Variants in IL27RA observed in about 807,000 individuals in gnomAD.
IL27RA encodes the protein interleukin 27 receptor subunit alpha.
In IL27RA, 61 loss-of-function variants were observed where a neutral mutation model predicts 80.8. The ratio of observed to expected loss-of-function variants is 0.76; its 90% CI spans 0.61 to 0.93. The LOEUF (loss-of-function observed/expected upper bound fraction) is 0.93, where lower values mean the gene tolerates loss of function less well. Ranked by LOEUF, IL27RA falls within the 40% of genes least tolerant of loss-of-function variation. The probability of loss-of-function intolerance (pLI) is 0.00; values close to 1 mark genes in which losing one functional copy is unlikely to be tolerated. For synonymous variants in IL27RA, 316 were observed against 332.5 expected, an observed-to-expected ratio of 0.95 and a Z score of 0.54; for missense variants, 735 against 808.1, an observed-to-expected ratio of 0.91 and a Z score of 1.10.
intron 2 of IL27RA, among the ~76,000 whole-genome samples, chr19:14,038,261 G>A (rs945125984): frequency 2.0e-5 from 3 of 151,888 alleles, no homozygotes; most frequent in Non-Finnish European, 2.9e-5. Context: ...TCCCACCCCA[G>A]CCTCTCAAGT....
intron 2 of IL27RA, among the ~76,000 whole-genome samples, chr19:14,033,292 T>G (rs973128838): frequency 3.3e-5 from 5 of 150,002 alleles, no homozygotes; most frequent in East Asian, 2.0e-4. Flanking sequence ...AGGGGGGAGG[T>G]TTCACCATGT....
chr19:14,038,802 T>C (rs1293532959), intron 2 of IL27RA, among the ~76,000 whole-genome samples: 5 of 151,638 alleles, frequency 3.3e-5, no homozygotes, highest in Admixed American at 2.0e-4. Context: ...GAGAATCGCT[T>C]GAACCTGGGA....
rs776197914 is a variant in IL27RA at position 14,039,881 on chromosome 19, C to T, written c.505C>T (p.Arg169Ter). 6.8e-6 allele frequency: 11 copies of T among 1,614,096 alleles called. No individual in the cohort carries two copies. The highest frequency in any genetic ancestry group is 2.2e-5 in the East Asian group (1 of 44,888). The stretch of plus-strand genomic sequence containing the variant: ...AGTTCTGATCTGCCAGTTCCACTAC[C>T]GAAGATGTCAGGAGGCGGCCTGGAC... ...HKVLICQFHY[R>*]RCQEAAWTLL... The change falls in exon 4 of 14, where the codon CGA (arginine) becomes TGA (stop). Residue 169 changes from arginine (R) to a stop codon, truncating the protein, a stop_gained. Transcript: ENST00000263379. LOFTEE classifies it high-confidence loss of function.
Position 14,039,897 on chromosome 19 carries a change from C to T in IL27RA, c.521C>T (p.Ala174Val), listed in dbSNP as rs201794701. ...TTCCACTACCGAAGATGTCAGGAGGCGGCCTGGACCCTGGTGAGTGCTGGG... is the reference window on the plus strand; with the variant it reads ...TTCCACTACCGAAGATGTCAGGAGGTGGCCTGGACCCTGGTGAGTGCTGGG... ...CQFHYRRCQE[A>V]AWTLLEPELK... Residue 174 changes from alanine (A) to valine (V), a missense_variant, in exon 4 of 14, where the codon GCG becomes GTG. Coordinates refer to ENST00000263379, the MANE Select transcript of IL27RA (RefSeq NM_004843.4). 2.2e-5 allele frequency: 35 copies of T among 1,614,040 alleles called. No individual in the cohort carries two copies. The highest frequency in any genetic ancestry group is 1.3e-4 in the East Asian group (6 of 44,892).
chr19:14,042,668 T>C (rs2145691255), intron 5 of IL27RA, 48 bp from the exon 6 acceptor site: 1 of 1,613,976 alleles, frequency 6.2e-7, no homozygotes, highest in South Asian at 1.1e-5. Context: ...CAGAAGTCTG[T>C]CCAATCATGT....
At chr19:14,052,039 G>C in intron 13 of IL27RA, 57 bp from the exon 14 acceptor site, 1 of 1,581,032 alleles carries the variant, frequency 6.3e-7, no homozygotes, top group Non-Finnish European at 8.6e-7. Flanking sequence ...CAGTGGGGAG[G>C]GGGTGAGGTG....
chr19:14,042,378 G>C, intron 4 of IL27RA, 75 bp from the exon 5 acceptor site: 1 of 1,177,230 alleles, frequency 8.5e-7, no homozygotes, highest in African/African-American at 1.6e-5. Context: ...AAAAACAAAG[G>C]AAAAAAAAAA....
chr19:14,047,799 G>A (rs901369078), intron 8 of IL27RA, among the ~76,000 whole-genome samples: 3 of 149,124 alleles, frequency 2.0e-5, no homozygotes, highest in Non-Finnish European at 4.4e-5. Flanking sequence ...GAGTACAGGC[G>A]CCCGCCACCA....
chr19:14,036,239 C>T (rs1037639674), intron 2 of IL27RA, among the ~76,000 whole-genome samples: 11 of 152,026 alleles, frequency 7.2e-5, no homozygotes, highest in Non-Finnish European at 2.9e-5. Context: ...AAGCGATCCT[C>T]CCATCTTGCC....
In IL27RA at chr19:14,031,839, G is replaced by C. The variant is rs753778054; in HGVS notation, c.-34G>C. Reference sequence around the variant, plus strand: ...CAGCGCGGCCGCGCGGACCCGGCAAGGCTGGGCCGGACTCGGGGCTCCCGA... The same window carrying C: ...CAGCGCGGCCGCGCGGACCCGGCAACGCTGGGCCGGACTCGGGGCTCCCGA... On this transcript the variant is annotated 5_prime_UTR_variant, in exon 1 of 14. Transcript: ENST00000263379. 4 of 1,549,150 alleles carry C rather than the reference G, an allele frequency of 2.6e-6. No homozygotes were observed. The African/African-American group carries it at 5.5e-5, about 21-fold the overall frequency.
rs1353579598 is a variant in IL27RA at position 14,050,877 on chromosome 19, C to T, written c.1522C>T (p.Leu508=). 5.0e-6 allele frequency: 8 copies of T among 1,608,236 alleles called. No individual in the cohort carries two copies. Among genetic ancestry groups the T allele is most frequent in the Non-Finnish European group, 6.8e-6 (8 of 1,175,820 alleles). The stretch of plus-strand genomic sequence containing the variant: ...TCCTGGTCCCATCCTCCGGCTTCAT[C>T]TACCAGGTAGGGGGGTTGGGATGGG... ...GPPGPILRLH[L]PDNTLRWKVL... The change falls in exon 11 of 14, where the codon CTA becomes TTA. Residue 508 remains leucine, a synonymous_variant. Transcript: ENST00000263379.
rs1453801633 is a variant in IL27RA, at chr19:14,052,533, A to C, written c.*243A>C. On this transcript the variant is annotated 3_prime_UTR_variant, in exon 14 of 14. Transcript: ENST00000263379. ...GCAAAGGAAAATACATGAAATTGAG[A>C]GTGGCAGCTGCCTGCCAAAATCTGT... 2.4e-6 allele frequency: 1 copy of C among 415,492 alleles called. No homozygotes were observed. The highest frequency in any genetic ancestry group is 2.1e-5 in the African/African-American group (1 of 48,422). 25.7% of individuals were successfully genotyped at this position (415,492 alleles called of 1,614,324 possible).
chr19:14,037,601 G>A (rs1164215409), intron 2 of IL27RA, among the ~76,000 whole-genome samples: 2 of 152,008 alleles, frequency 1.3e-5, no homozygotes, highest in African/African-American at 4.8e-5. Context: ...TGGCCTCCAG[G>A]TCTTTGCACC....
At chr19:14,047,064 G>A (rs1392100729) in intron 8 of IL27RA, among the ~76,000 whole-genome samples, 1 of 151,342 alleles carries the variant, frequency 6.6e-6, no homozygotes, top group Non-Finnish European at 1.5e-5. Flanking sequence ...GCTTTTTGGA[G>A]GCAAGATCCC....
intron 6 of IL27RA, among the ~76,000 whole-genome samples, chr19:14,043,311 C>T (rs1191814323): frequency 6.6e-6 from 1 of 152,072 alleles, no homozygotes; most frequent in Non-Finnish European, 1.5e-5. Flanking sequence ...AGGTCTGAGC[C>T]ATAAGGATGG....
chr19:14,047,441 A>C (rs1599302781), intron 8 of IL27RA, among the ~76,000 whole-genome samples: 1 of 144,964 alleles, frequency 6.9e-6, no homozygotes, highest in African/African-American at 2.6e-5. Flanking sequence ...TGCAGCCTTC[A>C]CCTCCCGGGT....
chr19:14,042,300 A>G (rs1203425569), intron 4 of IL27RA, among the ~76,000 whole-genome samples, 153 bp from the exon 5 acceptor site: 3 of 151,668 alleles, frequency 2.0e-5, no homozygotes, highest in Non-Finnish European at 2.9e-5. Flanking sequence ...CAGGAGGGAG[A>G]GGTTGCAGTG....
At chr19:14,046,088 CAG>C (rs1162849672) in intron 6 of IL27RA, 64 bp from the exon 7 acceptor site, 1 of 1,466,870 alleles carries the variant, frequency 6.8e-7, no homozygotes, top group African/African-American at 1.4e-5. Context: ...CAGGTGACCT[CAG>C]GGAGACACAT....
At position 14,046,570 on chromosome 19, in the gene IL27RA, C is replaced by G; in HGVS notation, c.1093C>G (p.Leu365Val). ...TCGAGATGGGGACCCCCTGGAGAAA[C>G]TCAACTGGGTCCGGCTTCCCCCTGG... Reference protein sequence around the residue: ...WARDGDPLEKLNWVRLPPGNL... With the variant: ...WARDGDPLEKVNWVRLPPGNL... Residue 365 changes from leucine to valine, a missense_variant, in exon 8 of 14, where the codon CTC becomes GTC. Leu to Val is a conservative substitution (Grantham distance 32, BLOSUM62 1). Transcript: ENST00000263379. 6.2e-7 allele frequency: 1 copy of G among 1,613,642 alleles called. No individual in the cohort carries two copies. The highest frequency in any genetic ancestry group is 1.1e-5 in the South Asian group (1 of 91,042).
Sources: allele counts gnomAD v4.1 joint callset (sites outside exome capture counted in the v4.1 genomes callset), GRCh38; gene constraint gnomAD v4.1.1; transcripts MANE v1.5; gene names NCBI Gene and HGNC (gene_info 2026-07-23, HGNC 2026-07-21).